MAST3: variants seen among roughly 807,000 people sequenced by gnomAD.
MAST3 encodes the protein microtubule-associated serine/threonine-protein kinase 3.
In MAST3, 43 loss-of-function variants were observed where a neutral mutation model predicts 127.0. The ratio of observed to expected loss-of-function variants is 0.34; its 90% CI spans 0.27 to 0.44. The LOEUF is 0.44. MAST3 is among the 20% of genes least tolerant of loss of function. The pLI is 1.00. For synonymous variants in MAST3, 785 were observed against 809.2 expected, an observed-to-expected ratio of 0.97 and a Z score of 0.51; for missense variants, 1,390 against 1,919.1, an observed-to-expected ratio of 0.72 and a Z score of 5.15.
intron 11 of MAST3, among the ~76,000 whole-genome samples, chr19:18,126,636 G>A (rs1211576956): frequency 6.6e-6 from 1 of 152,114 alleles, no homozygotes; most frequent in Non-Finnish European, 1.5e-5. Context: ...AGGCATGATC[G>A]CACATGCCTA....
Position 18,142,060 on chromosome 19 carries a change from G to A in MAST3, c.2339+45G>A, listed in dbSNP as rs773206586. 10 of 1,373,170 alleles carry A rather than the reference G, an allele frequency of 7.3e-6. No individual in the cohort carries two copies. The African/African-American group carries it at 1.2e-4, about 16-fold the overall frequency. The allele number at this position is 1,373,170 out of a possible 1,614,324, so 85.1% of individuals were successfully genotyped here. ...GTAGGCAGATCCAGCTTCCAAGCCT[G>A]CTGGGAGGTAGAGACACAAAATCTG... is the stretch of plus-strand genomic sequence containing the variant. On this transcript the variant is annotated intron_variant, in intron 21 of 27. Transcript: ENST00000687212.
In MAST3 at chr19:18,124,789, G is replaced by A. The variant is rs1453758996; in HGVS notation, c.1078+15G>A. ...CCCCCTGGAGGGTAAGCCGGGATGG[G>A]AAGAGGAAACCAAGGCTGGGAAAGG... On this transcript the variant is annotated intron_variant, in intron 11 of 27. Coordinates refer to ENST00000687212, the MANE Select transcript of MAST3 (RefSeq NM_001393504.1). 6.3e-7 allele frequency: 1 copy of A among 1,575,970 alleles called. No homozygotes were observed. Among genetic ancestry groups the A allele is most frequent in the Non-Finnish European group, 8.6e-7 (1 of 1,160,780 alleles).
Position 18,110,394 on chromosome 19 carries a change from C to A in MAST3, c.72-258C>A. 1 of 985,506 alleles carries A rather than the reference C, an allele frequency of 1.0e-6. No homozygotes were observed. The highest frequency in any genetic ancestry group is 1.2e-6 in the Non-Finnish European group (1 of 829,958). The allele number at this position is 985,506 out of a possible 1,614,324, so 61.0% of individuals were successfully genotyped here. ...GAGTGTTGGGCAGGGCGGGGGTATG[C>A]GGGGTGCAGGGAGGACAGGATGACA... On this transcript the variant is annotated intron_variant, in intron 2 of 27. Coordinates refer to ENST00000687212, the MANE Select transcript of MAST3 (RefSeq NM_001393504.1). The surrounding 1 kb of genome is among the most constrained non-coding windows in gnomAD (Gnocchi z 4.3).
In MAST3 at chr19:18,151,652, T is replaced by G. The variant is rs2043531652; in HGVS notation, c.*1926T>G. The G allele has an allele frequency of 6.6e-6, 1 of 152,248 alleles. No individual in the cohort carries two copies. Among genetic ancestry groups the G allele is most frequent in the Non-Finnish European group, 1.5e-5 (1 of 68,064 alleles). 9.4% of individuals were successfully genotyped at this position (152,248 alleles called of 1,614,324 possible). A position where few individuals can be genotyped will look rare whatever the true frequency, so the allele number is the denominator to read the frequency against. ...CATGATTCACCCCCTCCTTCCATCC[T>G]GGAGCTGGCAGTGAATAAAAGCCCG... is the stretch of plus-strand genomic sequence containing the variant. On this transcript the variant is annotated 3_prime_UTR_variant, in exon 28 of 28. Coordinates refer to ENST00000687212, the MANE Select transcript of MAST3 (RefSeq NM_001393504.1).
Position 18,144,688 on chromosome 19 carries a change from C to T in MAST3, c.2807C>T (p.Thr936Met), listed in dbSNP as rs778781169. The change falls in exon 23 of 28, where the codon ACG (threonine) becomes ATG (methionine). Residue 936 changes from threonine (T) to methionine (M), a missense_variant. Thr to Met is a moderately conservative substitution (Grantham distance 81). Around this residue, in one of 5 missense-constraint regions of MAST3, gnomAD observed 816 missense variants for 934.1 expected, o/e 0.87. Coordinates refer to ENST00000687212, the MANE Select transcript of MAST3 (RefSeq NM_001393504.1). This position sits in a 1 kb window ranked among gnomAD's most constrained non-coding sequence, Gnocchi z 4.0. ...GTCTCTGCCCTGTCCCTCATCATCA[C>T]GGCAGGTAATGCCCAAGGCCCCTCT... is the stretch of plus-strand genomic sequence containing the variant. ...ASVSALSLII[T>M]ADDGSGGPLM... The T allele has an allele frequency of 2.2e-5, 35 of 1,607,204 alleles. No individual in the cohort carries two copies. The highest frequency in any genetic ancestry group is 2.7e-5 in the African/African-American group (2 of 74,936).
chr19:18,099,504 G>A (rs1406098248), intron 1 of MAST3, among the ~76,000 whole-genome samples: 1 of 151,988 alleles, frequency 6.6e-6, no homozygotes, highest in Non-Finnish European at 1.5e-5. Context: ...GTTCCATGGT[G>A]GGGGGGTCAA....
intron 1 of MAST3, among the ~76,000 whole-genome samples, chr19:18,100,128 C>CTTTTTTTTTTTTTTTTTTTT (rs58879254): frequency 9.9e-5 from 12 of 121,698 alleles, no homozygotes; most frequent in Admixed American, 1.9e-4. Context: ...CTCTCTCTCT[C>CTTTTTTTTTTTTTTTTTTTT]TTTTTTTTTT....
At chr19:18,137,162 A>G in intron 18 of MAST3, 77 bp from the exon 19 acceptor site, 1 of 1,560,686 alleles carries the variant, frequency 6.4e-7, no homozygotes, top group Non-Finnish European at 8.7e-7. Flanking sequence ...TGTGTCCAGC[A>G]TGGGCAGTGG....
chr19:18,147,012 G>A lies in MAST3; in HGVS notation c.3294G>A (p.Gln1098=), dbSNP rs757018208. The A allele has an allele frequency of 7.6e-6, 12 of 1,575,376 alleles. No homozygotes were observed. The highest frequency in any genetic ancestry group is 2.3e-5 in the East Asian group (1 of 43,188). Residue 1098 remains glutamine (Q), a synonymous_variant, in exon 26 of 28, where the codon CAG becomes CAA. Transcript: ENST00000687212. ...AGAGGAGCCGTCGGCGGGAGACCCA[G>A]GATCGGTGCGCGGCAGTGACCACCA... ...RSKRSRRRET[Q]DRCAAVTTRE...
chr19:18,119,125 T>A (rs963702934), intron 3 of MAST3, among the ~76,000 whole-genome samples: 1 of 152,110 alleles, frequency 6.6e-6, no homozygotes, highest in Admixed American at 6.6e-5. Context: ...CAGGAAGAGT[T>A]GAACAAACAG....
In MAST3 at chr19:18,146,890, A is replaced by G; in HGVS notation, c.3172A>G (p.Lys1058Glu). Residue 1058 changes from lysine to glutamate, a missense_variant, in exon 26 of 28, where the codon AAG becomes GAG. Lys to Glu is a moderately conservative substitution (Grantham distance 56). Around this residue, in one of 5 missense-constraint regions of MAST3, gnomAD observed 816 missense variants for 934.1 expected, o/e 0.87. Coordinates refer to ENST00000687212, the MANE Select transcript of MAST3 (RefSeq NM_001393504.1). ...ACCATCCCTCCCGCAGAGCGGCAAC[A>G]AGATATCCCTGCGGACCACAGCCCT... Reference protein sequence around the residue: ...VVELLLKSGNKISLRTTALEN... With the variant: ...VVELLLKSGNEISLRTTALEN... The G allele has an allele frequency of 1.3e-6, 2 of 1,553,924 alleles. No homozygotes were observed. Among genetic ancestry groups the G allele is most frequent in the Non-Finnish European group, 1.7e-6 (2 of 1,148,254 alleles).
At chr19:18,111,615 A>G (rs75832695) in intron 3 of MAST3, among the ~76,000 whole-genome samples, 16,771 of 141,792 alleles carry the variant, frequency 0.12, 1,213 homozygotes, top group Admixed American at 0.17. Flanking sequence ...GCTTACTGCA[A>G]CCTCCACCTC....
chr19:18,109,298 GA>G (rs1211363806), intron 2 of MAST3, among the ~76,000 whole-genome samples: 1 of 152,122 alleles, frequency 6.6e-6, no homozygotes, highest in Non-Finnish European at 1.5e-5. Context: ...TTCCAGTGGG[GA>G]TGATACAGTT....
intron 21 of MAST3, 69 bp from the exon 22 acceptor site, chr19:18,143,694 A>G (rs1447584221): frequency 1.9e-6 from 3 of 1,591,184 alleles, no homozygotes; most frequent in Non-Finnish European, 2.6e-6. Context: ...AGATGTGGCC[A>G]TGAAGGTGGC....
In MAST3 at chr19:18,131,452, G is replaced by A. The variant is rs558082996; in HGVS notation, c.1433-457G>A. On this transcript the variant is annotated intron_variant, in intron 14 of 27. Coordinates refer to ENST00000687212, the MANE Select transcript of MAST3 (RefSeq NM_001393504.1). ...GCGGTGGCCAACGCCTGTAATCTCAGCACTTTGGGAGGCCAAGGCTGGTGG... is the reference window on the plus strand; with the variant it reads ...GCGGTGGCCAACGCCTGTAATCTCAACACTTTGGGAGGCCAAGGCTGGTGG... Among the ~76,000 whole-genome samples, 3 of 140,108 alleles carry A rather than the reference G, an allele frequency of 2.1e-5. No homozygotes were observed. The East Asian group carries it at 6.0e-4, about 28-fold the overall frequency. 91.9% of individuals were successfully genotyped at this position (140,108 alleles called of 152,430 possible). A position where few individuals can be genotyped will look rare whatever the true frequency, so the allele number is the denominator to read the frequency against.
At chr19:18,121,981 G>C (rs1405861389) in intron 5 of MAST3, 59 bp downstream of exon 5, 1 of 1,594,080 alleles carries the variant, frequency 6.3e-7, no homozygotes, top group Non-Finnish European at 8.6e-7. Flanking sequence ...GTTGGGCAGG[G>C]GCACGTGCTC....
intron 15 of MAST3, 137 bp downstream of exon 15, chr19:18,132,184 G>T: frequency 8.3e-7 from 1 of 1,199,934 alleles, no homozygotes; most frequent in Non-Finnish European, 1.2e-6. Context: ...TCTGAGCTCT[G>T]TTGGTACCTC....
intron 3 of MAST3, chr19:18,118,068 C>T (rs1006201946): frequency 1.4e-5 from 14 of 984,116 alleles, no homozygotes; most frequent in Middle Eastern, 5.2e-4. Context: ...CGTGCGCCCC[C>T]CTCCCTGTCC....
chr19:18,123,675 T>C lies in MAST3; in HGVS notation c.633+20T>C, dbSNP rs762810197. On this transcript the variant is annotated intron_variant, in intron 8 of 27. Transcript: ENST00000687212. ...CCCAAGGTGGGCAGCGCCTGGCGGC[T>C]GGACCAGCCCCTGCACTTCTTTCCA... 24 of 1,534,200 alleles carry C rather than the reference T, an allele frequency of 1.6e-5. No homozygotes were observed. The Admixed American group carries it at 2.5e-4, about 16-fold the overall frequency.
Sources: allele counts gnomAD v4.1 joint callset (sites outside exome capture counted in the v4.1 genomes callset), GRCh38; gene constraint gnomAD v4.1.1; regional missense constraint gnomAD v4.1.1; non-coding constraint Gnocchi (gnomAD v3.1); transcripts MANE v1.5; gene names NCBI Gene and HGNC (gene_info 2026-07-23, HGNC 2026-07-21).